ALMS1: variants seen among roughly 807,000 people sequenced by gnomAD.
ALMS1 encodes the protein ALMS1 centrosome and basal body associated protein.
ALMS1 carries 271 observed loss-of-function variants against 352.2 expected under a neutral mutation model. The observed-to-expected ratio is 0.77, with a 90% CI of 0.70 to 0.85. The LOEUF (loss-of-function observed/expected upper bound fraction) is 0.85. Ranked by LOEUF, ALMS1 falls within the 40% of genes least tolerant of loss-of-function variation. The pLI, the probability that ALMS1 is intolerant of heterozygous loss-of-function variation, is 0.00. For synonymous variants in ALMS1, 1,865 were observed against 1,761.2 expected, an observed-to-expected ratio of 1.06 and a Z score of -1.48; for missense variants, 5,445 against 4,870.7, an observed-to-expected ratio of 1.12 and a Z score of -3.51.
At chr2:73,418,522 C>T (rs373350384) in intron 2 of ALMS1, among the ~76,000 whole-genome samples, 16 of 152,214 alleles carry the variant, frequency 1.1e-4, no homozygotes, top group African/African-American at 2.4e-4. Context: ...GCTGAAGGCC[C>T]GGCTCAACTG....
intron 1 of ALMS1, among the ~76,000 whole-genome samples, chr2:73,401,713 C>T (rs1409722003): frequency 6.6e-6 from 1 of 151,582 alleles, no homozygotes; most frequent in African/African-American, 2.4e-5. Flanking sequence ...CTTCTAAAAT[C>T]CTTTTAGCAA....
At chr2:73,547,659 T>C (rs1012207015) in intron 12 of ALMS1, among the ~76,000 whole-genome samples, 1 of 152,210 alleles carries the variant, frequency 6.6e-6, no homozygotes, top group African/African-American at 2.4e-5. Context: ...CAGGATCTTA[T>C]CAACTGTATT....
At position 73,603,554 on chromosome 2, in the gene ALMS1, T is replaced by G. The variant is rs1675747949; in HGVS notation, c.12362+250T>G. On this transcript the variant is annotated intron_variant, in intron 21 of 22. Coordinates refer to ENST00000613296, the MANE Select transcript of ALMS1 (RefSeq NM_001378454.1). ...CTTAGGCTCCTCTTTATTAGAAACC[T>G]AAATGTAAATAAAGAATATTTTAGG... is the stretch of plus-strand genomic sequence containing the variant. 8.7e-6 allele frequency: 4 copies of G among 458,576 alleles called. No homozygotes were observed. The East Asian group carries it at 1.8e-4, about 20-fold the overall frequency. The allele number at this position is 458,576 out of a possible 1,614,324, so 28.4% of individuals were successfully genotyped here. A position where few individuals can be genotyped will look rare whatever the true frequency, so the allele number is the denominator to read the frequency against.
At chr2:73,608,639 A>G (rs1474974242) in intron 22 of ALMS1, 65 bp downstream of exon 22, 103 of 1,296,068 alleles carry the variant, frequency 7.9e-5, no homozygotes, top group Non-Finnish European at 1.1e-4. Flanking sequence ...AAATGGAGAA[A>G]ACACGTTGCC....
chr2:73,460,747 G>A (rs1345249280), intron 9 of ALMS1, among the ~76,000 whole-genome samples: 1 of 152,210 alleles, frequency 6.6e-6, no homozygotes, highest in Non-Finnish European at 1.5e-5. Flanking sequence ...CACTAATACT[G>A]CGCTTTTCCG....
At chr2:73,419,067 A>G in intron 2 of ALMS1, 56 bp from the exon 3 acceptor site, 1 of 1,399,108 alleles carries the variant, frequency 7.1e-7, no homozygotes. Flanking sequence ...CTAAATATTA[A>G]TATGTATGGT....
At chr2:73,607,245 A>G (rs1355559223) in intron 21 of ALMS1, among the ~76,000 whole-genome samples, 5 of 152,174 alleles carry the variant, frequency 3.3e-5, no homozygotes, top group Non-Finnish European at 5.9e-5. Context: ...AACCTTTCCT[A>G]TGACACTAAA....
At chr2:73,518,742 T>G (rs1165541282) in intron 10 of ALMS1, among the ~76,000 whole-genome samples, 2 of 152,194 alleles carry the variant, frequency 1.3e-5, no homozygotes, top group Admixed American at 6.5e-5. Flanking sequence ...ATATGCGTGG[T>G]GGCTGCATAT....
At chr2:73,431,303 T>G (rs1451580222) in intron 6 of ALMS1, among the ~76,000 whole-genome samples, 1 of 152,168 alleles carries the variant, frequency 6.6e-6, no homozygotes, top group Non-Finnish European at 1.5e-5. Flanking sequence ...TTTCCACACT[T>G]CACATGGCTT....
At chr2:73,474,105 A>G (rs1024125608) in intron 9 of ALMS1, among the ~76,000 whole-genome samples, 1 of 152,132 alleles carries the variant, frequency 6.6e-6, no homozygotes, top group Non-Finnish European at 1.5e-5. Flanking sequence ...CTATTAGTAG[A>G]AATATACTTT....
intron 9 of ALMS1, among the ~76,000 whole-genome samples, chr2:73,463,788 C>G (rs1283777115): frequency 1.4e-5 from 2 of 144,092 alleles, no homozygotes; most frequent in East Asian, 2.0e-4. Flanking sequence ...CACAGAAATA[C>G]AAACTACCAT....
At chr2:73,479,721 G>A (rs1312077575) in intron 9 of ALMS1, among the ~76,000 whole-genome samples, 2 of 152,182 alleles carry the variant, frequency 1.3e-5, no homozygotes, top group Non-Finnish European at 2.9e-5. Flanking sequence ...CTTTGTTTCT[G>A]TGGGGTAGAT....
chr2:73,515,010 C>T (rs1180108824), intron 10 of ALMS1, among the ~76,000 whole-genome samples: 1 of 152,100 alleles, frequency 6.6e-6, no homozygotes, highest in Non-Finnish European at 1.5e-5. Context: ...AATTCTTACC[C>T]ATTAACTCAT....
chr2:73,458,789 T>C (rs533138879), intron 9 of ALMS1: 14 of 152,336 alleles, frequency 9.2e-5, no homozygotes, highest in African/African-American at 3.4e-4. Context: ...GAAGACTAGA[T>C]TGTGGAAGGC....
intron 10 of ALMS1, among the ~76,000 whole-genome samples, chr2:73,515,595 G>A (rs1373980862): frequency 6.6e-6 from 1 of 152,034 alleles, no homozygotes; most frequent in African/African-American, 2.4e-5. Flanking sequence ...GAGCTGAACT[G>A]TATGAAATTG....
At chr2:73,491,592 G>C (rs760614004) in intron 10 of ALMS1, 94 bp downstream of exon 10, 1 of 1,355,336 alleles carries the variant, frequency 7.4e-7, no homozygotes, top group African/African-American at 1.4e-5. Context: ...GGGAAAGGCC[G>C]TGTGATTTCT....
At position 73,449,794 on chromosome 2, in the gene ALMS1, A is replaced by G. The variant is rs773260160; in HGVS notation, c.3267A>G (p.Thr1089=). 1.9e-6 allele frequency: 3 copies of G among 1,614,122 alleles called. No homozygotes were observed. Among genetic ancestry groups the G allele is most frequent in the East Asian group, 2.2e-5 (1 of 44,882 alleles). The change falls in exon 8 of 23, where the codon ACA becomes ACG. Residue 1089 remains threonine (T), a synonymous_variant. Transcript: ENST00000613296. ...GACCAGCTGACCAGATGACTGACACACCAGCAGTACCGTCTACTTTCTACT... is the reference window on the plus strand; with the variant it reads ...GACCAGCTGACCAGATGACTGACACGCCAGCAGTACCGTCTACTTTCTACT... ...FPGPADQMTD[T]PAVPSTFYSQ...
chr2:73,447,984 C>G lies in ALMS1; in HGVS notation c.1457C>G (p.Ala486Gly), dbSNP rs533719117. Reference sequence around the variant, plus strand: ...GGAGACACTTCTAAAGGAGGCATAGCTAAAGTTACTCAATCCAACTTGAAG... The same window carrying G: ...GGAGACACTTCTAAAGGAGGCATAGGTAAAGTTACTCAATCCAACTTGAAG... Reference protein sequence around the residue: ...KAGDTSKGGIAKVTQSNLKSG... With the variant: ...KAGDTSKGGIGKVTQSNLKSG... Residue 486 changes from alanine (A) to glycine (G), a missense_variant, in exon 8 of 23, where the codon GCT becomes GGT. By Grantham distance (60) the Ala-to-Gly change is moderately conservative. Coordinates refer to ENST00000613296, the MANE Select transcript of ALMS1 (RefSeq NM_001378454.1). The G allele has an allele frequency of 6.2e-7, 1 of 1,612,962 alleles. No homozygotes were observed. Among genetic ancestry groups the G allele is most frequent in the South Asian group, 1.1e-5 (1 of 90,838 alleles).
At chr2:73,466,641 T>C (rs1462447206) in intron 9 of ALMS1, among the ~76,000 whole-genome samples, 2 of 151,980 alleles carry the variant, frequency 1.3e-5, no homozygotes, top group Non-Finnish European at 2.9e-5. Flanking sequence ...TAAAGTATAA[T>C]AATAATAAAA....
Sources: gnomAD v4.1 joint callset for allele counts (sites outside exome capture counted in the v4.1 genomes callset) on GRCh38, gnomAD v4.1.1 for gene constraint, MANE v1.5 for transcripts, NCBI Gene and HGNC (gene_info 2026-07-23, HGNC 2026-07-21) for gene names.